The following GABRB2 variants were observed in gnomAD, a reference collection of about 807,000 sequenced individuals.
The protein encoded by GABRB2 is gamma-aminobutyric acid type A receptor subunit beta2, also known as gamma-aminobutyric acid receptor subunit beta-2.
Under a neutral mutation model 54.7 loss-of-function variants are expected in GABRB2, and 16 were observed. The observed-to-expected ratio is 0.29, with a 90% CI of 0.20 to 0.44. The LOEUF (loss-of-function observed/expected upper bound fraction) is 0.44. Among genes scored for constraint, GABRB2 ranks in the 20% least tolerant of loss-of-function variants. The probability of loss-of-function intolerance (pLI) is 1.00; values close to 1 mark genes in which losing one functional copy is unlikely to be tolerated. For missense variants in GABRB2, 355 were observed against 644.0 expected (o/e 0.55, Z 4.86); for synonymous variants, 244 against 233.8 (o/e 1.04, Z -0.40).
At chr5:161,400,844 T>C (rs1262509319) in intron 5 of GABRB2, among the ~76,000 whole-genome samples, 2 of 152,200 alleles carry the variant, frequency 1.3e-5, no homozygotes, top group Non-Finnish European at 2.9e-5. Flanking sequence ...CTCATTTAGT[T>C]ACAAGTCAGC....
chr5:161,331,232 A>G (rs1753828557), intron 7 of GABRB2, 105 bp from the exon 8 acceptor site: 1 of 1,316,394 alleles, frequency 7.6e-7, no homozygotes, highest in Admixed American at 2.3e-5. Context: ...CATATATGCC[A>G]CAATCTATTT....
chr5:161,484,909 T>C (rs554703369), intron 3 of GABRB2, among the ~76,000 whole-genome samples: 1 of 152,076 alleles, frequency 6.6e-6, no homozygotes, highest in South Asian at 2.1e-4. Context: ...GCCTTCAGCA[T>C]AGGGTTCAAA....
intron 5 of GABRB2, among the ~76,000 whole-genome samples, chr5:161,388,080 A>T (rs755341356): frequency 6.6e-6 from 1 of 152,136 alleles, no homozygotes; most frequent in Non-Finnish European, 1.5e-5. Context: ...AGTTGCTCTT[A>T]GTTCACTTGA....
intron 3 of GABRB2, among the ~76,000 whole-genome samples, chr5:161,463,549 TTTTATTTATATATATA>T (rs1403300542): frequency 0.01 from 563 of 54,480 alleles, 24 homozygotes; most frequent in Admixed American, 0.016. Context: ...TTCCAAATAT[TTTTATTTATATATATA>T]TATATATATA....
chr5:161,456,021 C>T (rs80269254), intron 4 of GABRB2, among the ~76,000 whole-genome samples: 9,424 of 152,192 alleles, frequency 0.062, 326 homozygotes, highest in Middle Eastern at 0.095. Flanking sequence ...AAATGACTGT[C>T]CCTCCTTTAA....
At chr5:161,510,348 T>C (rs147509463) in intron 3 of GABRB2, among the ~76,000 whole-genome samples, 229 of 151,410 alleles carry the variant, frequency 1.5e-3, no homozygotes, top group Non-Finnish European at 2.5e-3. Flanking sequence ...AGTGAGAACA[T>C]GCGACATTTG....
intron 9 of GABRB2, among the ~76,000 whole-genome samples, chr5:161,298,678 G>C (rs1561598419): frequency 6.6e-6 from 1 of 152,158 alleles, no homozygotes; most frequent in Non-Finnish European, 1.5e-5. Context: ...TCTCTTGCTA[G>C]AGCAGCATGC....
intron 5 of GABRB2, among the ~76,000 whole-genome samples, chr5:161,359,516 G>C (rs1289509948): frequency 1.3e-5 from 2 of 151,540 alleles, no homozygotes; most frequent in South Asian, 4.2e-4. Context: ...TTTCCCTCAG[G>C]GTATAAGGAT....
At chr5:161,506,874 T>C (rs1441514497) in intron 3 of GABRB2, among the ~76,000 whole-genome samples, 1 of 152,022 alleles carries the variant, frequency 6.6e-6, no homozygotes, top group Non-Finnish European at 1.5e-5. Context: ...TGTTGGAAAA[T>C]CAGTTATCCA....
intron 8 of GABRB2, among the ~76,000 whole-genome samples, chr5:161,328,331 C>T (rs1291623879): frequency 6.6e-6 from 1 of 152,080 alleles, no homozygotes; most frequent in Non-Finnish European, 1.5e-5. Flanking sequence ...ATGCCTACCA[C>T]TTATTATATT....
At chr5:161,348,192 G>A (rs1754374498) in intron 5 of GABRB2, among the ~76,000 whole-genome samples, 1 of 151,712 alleles carries the variant, frequency 6.6e-6, no homozygotes, top group Non-Finnish European at 1.5e-5. Flanking sequence ...TTTTATGTGG[G>A]TTATAGCACT....
At chr5:161,295,830 T>G (rs961085026) in intron 9 of GABRB2, among the ~76,000 whole-genome samples, 5 of 152,240 alleles carry the variant, frequency 3.3e-5, no homozygotes, top group African/African-American at 2.4e-5. Context: ...GGTATCATTT[T>G]GCTTAGAGGA....
At chr5:161,389,781 A>T (rs2113031072) in intron 5 of GABRB2, among the ~76,000 whole-genome samples, 1 of 152,130 alleles carries the variant, frequency 6.6e-6, no homozygotes, top group East Asian at 1.9e-4. Flanking sequence ...TCTCAAAGGT[A>T]ATATTTTACA....
chr5:161,512,204 A>G (rs1421920916), intron 3 of GABRB2, among the ~76,000 whole-genome samples: 1 of 151,984 alleles, frequency 6.6e-6, no homozygotes, highest in Non-Finnish European at 1.5e-5. Context: ...ATCAAACTAC[A>G]AAAGTCATTT....
At chr5:161,524,389 C>T (rs1760208142) in intron 3 of GABRB2, among the ~76,000 whole-genome samples, 1 of 151,680 alleles carries the variant, frequency 6.6e-6, no homozygotes, top group South Asian at 2.1e-4. Context: ...AACTTGATAT[C>T]TATAGACAGA....
intron 3 of GABRB2, among the ~76,000 whole-genome samples, chr5:161,473,032 C>T (rs1418070003): frequency 6.6e-6 from 1 of 151,860 alleles, no homozygotes; most frequent in Non-Finnish European, 1.5e-5. Flanking sequence ...ATTAGCAACA[C>T]TCACACAGCC....
chr5:161,546,573 G>C lies in GABRB2; in HGVS notation c.71C>G (p.Ala24Gly), dbSNP rs1452147828. 2 of 1,596,968 alleles carry C rather than the reference G, an allele frequency of 1.3e-6. No homozygotes were observed. Among genetic ancestry groups the C allele is most frequent in the South Asian group, 2.3e-5 (2 of 88,414 alleles). Residue 24 changes from alanine (A) to glycine (G), a missense_variant, in exon 1 of 10, where the codon GCG (alanine) becomes GGG (glycine). Coordinates refer to ENST00000393959, the MANE Select transcript of GABRB2 (RefSeq NM_001371727.1). ...AAACGCTGGGCACACTTACCTCTGC[G>C]CACAGACAGCGGCGATTATTAAGGG... is the stretch of plus-strand genomic sequence containing the variant. ...SFPLIIAAVC[A>G]QSVNDPSNMS...
At chr5:161,470,953 C>A (rs1434173714) in intron 3 of GABRB2, among the ~76,000 whole-genome samples, 20 of 151,974 alleles carry the variant, frequency 1.3e-4, no homozygotes, top group Non-Finnish European at 2.9e-5. Context: ...CTTGTTCATG[C>A]TTCCTGCATG....
At chr5:161,351,791 C>T in intron 5 of GABRB2, among the ~76,000 whole-genome samples, 1 of 152,004 alleles carries the variant, frequency 6.6e-6, no homozygotes, top group South Asian at 2.1e-4. Flanking sequence ...AATGTATTTG[C>T]ACACCATACT....
Sources: allele counts gnomAD v4.1 joint callset (sites outside exome capture counted in the v4.1 genomes callset), GRCh38; gene constraint gnomAD v4.1.1; transcripts MANE v1.5; gene names NCBI Gene and HGNC (gene_info 2026-07-23, HGNC 2026-07-21).